The following CSMD3 variants were observed in gnomAD, a reference collection of about 807,000 sequenced individuals.
CSMD3 encodes CUB and sushi domain-containing protein 3.
CSMD3 carries 177 observed loss-of-function variants against 435.2 expected under a neutral mutation model. The ratio of observed to expected loss-of-function variants is 0.41; its 90% CI spans 0.36 to 0.46. The LOEUF is 0.46. CSMD3 is among the 20% of genes least tolerant of loss of function. CSMD3 has a pLI of 0.34. For missense variants in CSMD3, 4,265 were observed against 4,504.6 expected, an observed-to-expected ratio of 0.95 and a Z score of 1.52; for synonymous variants, 1,656 against 1,520.5, an observed-to-expected ratio of 1.09 and a Z score of -2.07.
At position 112,281,496 on chromosome 8, in the gene CSMD3, A is replaced by C. The variant is rs139534801; in HGVS notation, c.9332-146T>G. Reference sequence around the variant, plus strand: ...AAGTAGTAAAGTATCTAGGTAGTTGAAATTCAAGATGAATGTATGTTGATT... The same window carrying C: ...AAGTAGTAAAGTATCTAGGTAGTTGCAATTCAAGATGAATGTATGTTGATT... On this transcript the variant is annotated intron_variant, in intron 58 of 70. Transcript: ENST00000297405. The C allele has an allele frequency of 3.6e-3, 2,329 of 656,044 alleles. 4 individuals are homozygous for C. Among genetic ancestry groups the C allele is most frequent in the Non-Finnish European group, 5.1e-3 (1,921 of 376,756 alleles). 40.6% of individuals were successfully genotyped at this position (656,044 alleles called of 1,614,324 possible).
In CSMD3 at chr8:112,390,732, G is replaced by A. The variant is rs866447507; in HGVS notation, c.5866C>T (p.Pro1956Ser). 1 of 1,612,144 alleles carries A rather than the reference G, an allele frequency of 6.2e-7. No homozygotes were observed. The highest frequency in any genetic ancestry group is 8.5e-7 in the Non-Finnish European group (1 of 1,178,282). Residue 1956 changes from proline to serine, a missense_variant, in exon 36 of 71, where the codon CCT becomes TCT. Physicochemically the swap from Pro to Ser is moderately conservative, Grantham distance 74. Coordinates refer to ENST00000297405, the MANE Select transcript of CSMD3 (RefSeq NM_198123.2). The stretch of plus-strand genomic sequence containing the variant: ...TTCAGATTGTTGTCATAAGGCTCAG[G>A]GTATCCAGGTGACAAAATAGTCCCT... ...RKGTILSPGY[P>S]EPYDNNLNCV...
intron 36 of CSMD3, 93 bp downstream of exon 36, chr8:112,390,571 G>T: frequency 9.1e-7 from 1 of 1,104,750 alleles, no homozygotes; most frequent in Non-Finnish European, 1.4e-6. Context: ...AAAACCACTT[G>T]CTAAACTTTT....
chr8:113,016,775 A>G (rs2086475673), intron 6 of CSMD3, among the ~76,000 whole-genome samples: 1 of 151,914 alleles, frequency 6.6e-6, no homozygotes. Flanking sequence ...ACAATGTAAA[A>G]AGCATCGTTA....
chr8:113,405,694 T>C (rs1265299974), intron 1 of CSMD3, among the ~76,000 whole-genome samples: 1 of 151,526 alleles, frequency 6.6e-6, no homozygotes, highest in East Asian at 1.9e-4. Flanking sequence ...CAGATGAAAA[T>C]GTAGGATCAC....
chr8:113,170,605 A>G (rs992388875), intron 4 of CSMD3, among the ~76,000 whole-genome samples: 4 of 152,128 alleles, frequency 2.6e-5, no homozygotes, highest in African/African-American at 4.8e-5. Context: ...AGCTTACTCT[A>G]CAGATTCTGC....
chr8:113,039,626 A>G (rs1370255592), intron 5 of CSMD3, among the ~76,000 whole-genome samples: 1 of 152,194 alleles, frequency 6.6e-6, no homozygotes, highest in South Asian at 2.1e-4. Context: ...GAAGAAAAAA[A>G]TAAAAGCACA....
chr8:113,344,642 C>T (rs541404556), intron 1 of CSMD3, among the ~76,000 whole-genome samples: 8 of 152,072 alleles, frequency 5.3e-5, no homozygotes, highest in African/African-American at 1.9e-4. Flanking sequence ...ATACCAACAA[C>T]AAGTATAGTC....
chr8:112,319,504 A>T lies in CSMD3; in HGVS notation c.7246+397T>A, dbSNP rs527329777. On this transcript the variant is annotated intron_variant, in intron 46 of 70. Coordinates refer to ENST00000297405, the MANE Select transcript of CSMD3 (RefSeq NM_198123.2). Reference sequence around the variant, plus strand: ...TAGAATCAACTAAGCATTTTCCAAGATATGGAAATGAAATATGTCTTCTAA... The same window carrying T: ...TAGAATCAACTAAGCATTTTCCAAGTTATGGAAATGAAATATGTCTTCTAA... 3.9e-5 allele frequency among the ~76,000 whole-genome samples: 6 copies of T among 152,260 alleles called. No individual in the cohort carries two copies. In the South Asian group the frequency reaches 1.2e-3, roughly 32 times the overall value.
At chr8:113,264,014 T>C (rs1021947619) in intron 3 of CSMD3, among the ~76,000 whole-genome samples, 79 of 151,610 alleles carry the variant, frequency 5.2e-4, no homozygotes, top group African/African-American at 1.7e-3. Context: ...CTTTATTTTT[T>C]CTGATACTTA....
At chr8:112,650,788 T>C (rs1196636536) in intron 18 of CSMD3, among the ~76,000 whole-genome samples, 1 of 152,252 alleles carries the variant, frequency 6.6e-6, no homozygotes, top group Non-Finnish European at 1.5e-5. Context: ...AGAACCGTTC[T>C]AAGTATAACC....
chr8:112,987,325 C>A (rs886619018), intron 6 of CSMD3, among the ~76,000 whole-genome samples: 1 of 151,996 alleles, frequency 6.6e-6, no homozygotes, highest in African/African-American at 2.4e-5. Context: ...TGAGAAGATA[C>A]CTTTGTATTT....
chr8:113,134,578 T>G (rs1436041248), intron 4 of CSMD3, among the ~76,000 whole-genome samples: 1 of 152,098 alleles, frequency 6.6e-6, no homozygotes, highest in African/African-American at 2.4e-5. Context: ...AGGAATCCTG[T>G]GTGTTTAGCT....
intron 13 of CSMD3, among the ~76,000 whole-genome samples, chr8:112,771,914 TC>T (rs1480057753): frequency 3.0e-4 from 46 of 152,060 alleles, no homozygotes; most frequent in Admixed American, 4.6e-4. Flanking sequence ...AAAACAATTT[TC>T]CCCCTGAAAG....
chr8:113,265,744 A>G (rs961800639), intron 3 of CSMD3, among the ~76,000 whole-genome samples: 1 of 151,660 alleles, frequency 6.6e-6, no homozygotes, highest in South Asian at 2.1e-4. Context: ...AACATTTACA[A>G]CTGCTTAGAA....
intron 3 of CSMD3, among the ~76,000 whole-genome samples, chr8:113,194,188 G>A (rs72687625): frequency 0.066 from 9,957 of 151,270 alleles, 444 homozygotes; most frequent in Non-Finnish European, 0.095. Context: ...CTGCCTTTAA[G>A]TTATTATACT....
At position 112,707,486 on chromosome 8, in the gene CSMD3, G is replaced by T. The variant is rs550239468; in HGVS notation, c.1973-17436C>A. ...GGTGGTAGTGGTGGTGGTGCGGCGG[G>T]AGGGGGGTGGTTCCTAGATGAATGG... On this transcript the variant is annotated intron_variant, in intron 13 of 70. Coordinates refer to ENST00000297405, the MANE Select transcript of CSMD3 (RefSeq NM_198123.2). Among the ~76,000 whole-genome samples the T allele has an allele frequency of 1.9e-4, 28 of 150,832 alleles. 1 individual carries two copies. The highest frequency in any genetic ancestry group is 7.8e-4 in the East Asian group (4 of 5,124).
chr8:112,766,833 T>A (rs2077992012), intron 13 of CSMD3, among the ~76,000 whole-genome samples: 1 of 151,800 alleles, frequency 6.6e-6, no homozygotes, highest in Non-Finnish European at 1.5e-5. Context: ...CAAACTGTGA[T>A]CATTAAGAAC....
intron 9 of CSMD3, among the ~76,000 whole-genome samples, chr8:112,940,802 G>A (rs2083428601): frequency 6.6e-6 from 1 of 151,744 alleles, no homozygotes; most frequent in Non-Finnish European, 1.5e-5. Context: ...GACTGTTTCT[G>A]TTTCATCAAC....
chr8:112,814,797 T>G (rs571334520), intron 12 of CSMD3, among the ~76,000 whole-genome samples: 1 of 148,926 alleles, frequency 6.7e-6, no homozygotes, highest in Non-Finnish European at 1.5e-5. Context: ...AAAAAAAAAA[T>G]TTTTTTTTCA....
Sources: allele counts gnomAD v4.1 joint callset (sites outside exome capture counted in the v4.1 genomes callset), GRCh38; gene constraint gnomAD v4.1.1; transcripts MANE v1.5; gene names NCBI Gene and HGNC (gene_info 2026-07-23, HGNC 2026-07-21).